BAG2: variants seen among roughly 807,000 people sequenced by gnomAD.
BAG2 encodes BAG cochaperone 2.
A neutral mutation model predicts 16.4 loss-of-function variants in BAG2; 8 were observed. The ratio of observed to expected loss-of-function variants is 0.49; its 90% CI spans 0.29 to 0.88. The LOEUF is 0.88. Among genes scored for constraint, BAG2 ranks in the 40% least tolerant of loss-of-function variants. The pLI is 0.09. For synonymous variants in BAG2, 82 were observed against 89.2 expected (o/e 0.92, Z 0.46); for missense variants, 218 against 248.9 (o/e 0.88, Z 0.84).
chr6:57,176,574 T>C (rs372459449), intron 1 of BAG2, among the ~76,000 whole-genome samples: 2 of 152,194 alleles, frequency 1.3e-5, no homozygotes, highest in East Asian at 3.9e-4. Context: ...GACTGGGAGA[T>C]TGGCTTTTCA....
chr6:57,184,490 G>A lies in BAG2; in HGVS notation c.*300G>A. The A allele has an allele frequency of 1.0e-5, 2 of 198,382 alleles. No homozygotes were observed. Among genetic ancestry groups the A allele is most frequent in the Admixed American group, 5.6e-5 (1 of 17,800 alleles). The allele number at this position is 198,382 out of a possible 1,614,324, so 12.3% of individuals were successfully genotyped here. A position where few individuals can be genotyped will look rare whatever the true frequency, so the allele number is the denominator to read the frequency against. On this transcript the variant is annotated 3_prime_UTR_variant, in exon 3 of 3. Transcript: ENST00000370693. Reference sequence around the variant, plus strand: ...GGGGAAAACAAACGTTCAGCTAGGGGCAAAAAGCATGACTGCTTTTTCCTG... The same window carrying A: ...GGGGAAAACAAACGTTCAGCTAGGGACAAAAAGCATGACTGCTTTTTCCTG...
chr6:57,184,240 A>G lies in BAG2; in HGVS notation c.*50A>G. ...CAATACACAAGGTGTAAAAATGATA[A>G]AATACTATTTTAATTGATAACTAGT... On this transcript the variant is annotated 3_prime_UTR_variant, in exon 3 of 3. Transcript: ENST00000370693. 7.0e-7 allele frequency: 1 copy of G among 1,420,078 alleles called. No homozygotes were observed. The highest frequency in any genetic ancestry group is 9.2e-7 in the Non-Finnish European group (1 of 1,084,578). 88.0% of individuals were successfully genotyped at this position (1,420,078 alleles called of 1,614,324 possible).
At chr6:57,173,169 A>G (rs1764176886) in intron 1 of BAG2, 1 of 1,004,914 alleles carries the variant, frequency 1.0e-6, no homozygotes, top group East Asian at 9.9e-5. Flanking sequence ...TTGGGTCTGC[A>G]GAACTTCTAG....
At chr6:57,175,628 T>A (rs1054318239) in intron 1 of BAG2, among the ~76,000 whole-genome samples, 1 of 152,350 alleles carries the variant, frequency 6.6e-6, no homozygotes, top group Middle Eastern at 3.4e-3. Flanking sequence ...CAATCACTTT[T>A]CTACATGGTT....
chr6:57,172,809 A>C lies in BAG2; in HGVS notation c.112A>C (p.Arg38=). 1 of 1,529,848 alleles carries C rather than the reference A, an allele frequency of 6.5e-7. No homozygotes were observed. The highest frequency in any genetic ancestry group is 8.8e-7 in the Non-Finnish European group (1 of 1,138,170). The allele number at this position is 1,529,848 out of a possible 1,614,324, so 94.8% of individuals were successfully genotyped here. ...GGAGAGCCTGGACCAGCTGGAGCTCAGGTGAGCTCCGGGCGGGCGGTCTCG... is the reference window on the plus strand; with the variant it reads ...GGAGAGCCTGGACCAGCTGGAGCTCCGGTGAGCTCCGGGCGGGCGGTCTCG... ...LLESLDQLEL[R]VEALREAATA... The change falls in exon 1 of 3, where the codon AGG becomes CGG. Residue 38 remains arginine, a splice_region_variant and synonymous_variant. Transcript: ENST00000370693.
Position 57,172,820 on chromosome 6 carries a change from G to T in BAG2, c.113+10G>T. 6.6e-7 allele frequency: 1 copy of T among 1,504,630 alleles called. No homozygotes were observed. The highest frequency in any genetic ancestry group is 1.3e-5 in the South Asian group (1 of 79,314). The allele number at this position is 1,504,630 out of a possible 1,614,324, so 93.2% of individuals were successfully genotyped here. ...ACCAGCTGGAGCTCAGGTGAGCTCC[G>T]GGCGGGCGGTCTCGGGCGTTCTGCT... On this transcript the variant is annotated intron_variant, in intron 1 of 2. Coordinates refer to ENST00000370693, the MANE Select transcript of BAG2 (RefSeq NM_004282.4).
At position 57,189,506 on chromosome 6, in the gene BAG2, T is replaced by C. The variant is rs1764748870; in HGVS notation, c.*5316T>C. The C allele has an allele frequency of 6.6e-6, 1 of 152,262 alleles. No homozygotes were observed. Among genetic ancestry groups the C allele is most frequent in the South Asian group, 2.1e-4 (1 of 4,834 alleles). 9.4% of individuals were successfully genotyped at this position (152,262 alleles called of 1,614,324 possible). The stretch of plus-strand genomic sequence containing the variant: ...ACCTCCTGAATGACTGCAGATGTGC[T>C]GTGTACCTTCTTAAGGGGCTTTGGC... On this transcript the variant is annotated 3_prime_UTR_variant, in exon 3 of 3. Transcript: ENST00000370693.
chr6:57,180,011 A>G (rs1764391627), intron 1 of BAG2, among the ~76,000 whole-genome samples: 1 of 152,104 alleles, frequency 6.6e-6, no homozygotes, highest in African/African-American at 2.4e-5. Flanking sequence ...ACTGCAGATG[A>G]TATGGATATG....
At position 57,188,761 on chromosome 6, in the gene BAG2, TC is replaced by T. The variant is rs1764714465; in HGVS notation, c.*4572del. ...GTGAAATAGATAATGCCAGATCATT[TC>T]AATATAATGAAAAGCAAAAATTTAC... On this transcript the variant is annotated 3_prime_UTR_variant, in exon 3 of 3. Transcript: ENST00000370693. 1 of 152,200 alleles carries T rather than the reference TC, an allele frequency of 6.6e-6. No individual in the cohort carries two copies. The highest frequency in any genetic ancestry group is 6.5e-5 in the Admixed American group (1 of 15,276). The allele number at this position is 152,200 out of a possible 1,614,324, so 9.4% of individuals were successfully genotyped here. A position where few individuals can be genotyped will look rare whatever the true frequency, so the allele number is the denominator to read the frequency against.
At chr6:57,182,717 C>A (rs1344870114) in intron 2 of BAG2, among the ~76,000 whole-genome samples, 2 of 152,120 alleles carry the variant, frequency 1.3e-5, no homozygotes, top group African/African-American at 2.4e-5. Context: ...ATGGCGCGAT[C>A]TTGGCTCACT....
chr6:57,172,397 C>G lies in BAG2; in HGVS notation c.-301C>G, dbSNP rs529981253. The G allele has an allele frequency of 1.4e-5, 3 of 209,514 alleles. No homozygotes were observed. The Admixed American group carries it at 1.8e-4, about 13-fold the overall frequency. 13.0% of individuals were successfully genotyped at this position (209,514 alleles called of 1,614,324 possible). On this transcript the variant is annotated 5_prime_UTR_variant, in exon 1 of 3. Coordinates refer to ENST00000370693, the MANE Select transcript of BAG2 (RefSeq NM_004282.4). ...CTCCCGTGCCTCAGAGACTTGCGCT[C>G]CCCAGGCCCGAGCCCCTGTCGGCCC...
chr6:57,185,502 A>G lies in BAG2; in HGVS notation c.*1312A>G, dbSNP rs1764594875. 1 of 152,254 alleles carries G rather than the reference A, an allele frequency of 6.6e-6. No individual in the cohort carries two copies. Among genetic ancestry groups the G allele is most frequent in the Admixed American group, 6.5e-5 (1 of 15,288 alleles). The allele number at this position is 152,254 out of a possible 1,614,324, so 9.4% of individuals were successfully genotyped here. On this transcript the variant is annotated 3_prime_UTR_variant, in exon 3 of 3. Transcript: ENST00000370693. ...ATGTATATATCTCTCAATGCAAGCAATATCAAACTTCATTTTCTCTACAAA... is the reference window on the plus strand; with the variant it reads ...ATGTATATATCTCTCAATGCAAGCAGTATCAAACTTCATTTTCTCTACAAA...
chr6:57,176,201 C>G (rs1258771241), intron 1 of BAG2, among the ~76,000 whole-genome samples: 1 of 152,146 alleles, frequency 6.6e-6, no homozygotes, highest in Non-Finnish European at 1.5e-5. Flanking sequence ...GTCGTTGTTA[C>G]TATTATCACC....
At position 57,187,050 on chromosome 6, in the gene BAG2, TTAGAG is replaced by T. The variant is rs1171803137; in HGVS notation, c.*2864_*2868del. 1.3e-5 allele frequency: 2 copies of T among 152,204 alleles called. No homozygotes were observed. The highest frequency in any genetic ancestry group is 1.5e-5 in the Non-Finnish European group (1 of 68,014). The allele number at this position is 152,204 out of a possible 1,614,324, so 9.4% of individuals were successfully genotyped here. A position where few individuals can be genotyped will look rare whatever the true frequency, so the allele number is the denominator to read the frequency against. Reference sequence around the variant, plus strand: ...TTGGAATTCATCCTTCATGAAATTTTTAGAGTAGTGTTTTAAATTAAGCTCCAGAG... The same window carrying T: ...TTGGAATTCATCCTTCATGAAATTTTTAGTGTTTTAAATTAAGCTCCAGAG... On this transcript the variant is annotated 3_prime_UTR_variant, in exon 3 of 3. Transcript: ENST00000370693.
rs1554307790 is a variant in BAG2 at position 57,187,964 on chromosome 6, C to CTAT, written c.*3776_*3778dup. On this transcript the variant is annotated 3_prime_UTR_variant, in exon 3 of 3. Transcript: ENST00000370693. Reference sequence around the variant, plus strand: ...TGCCTTATATGGGTCATTCTATATACTATTTAATTCATAGACAGAGACTGG... The same window carrying CTAT: ...TGCCTTATATGGGTCATTCTATATACTATTATTTAATTCATAGACAGAGACTGG... 1.3e-5 allele frequency: 2 copies of CTAT among 150,426 alleles called. No individual in the cohort carries two copies. Among genetic ancestry groups the CTAT allele is most frequent in the East Asian group, 1.9e-4 (1 of 5,136 alleles). 9.3% of individuals were successfully genotyped at this position (150,426 alleles called of 1,614,324 possible). A position where few individuals can be genotyped will look rare whatever the true frequency, so the allele number is the denominator to read the frequency against.
At chr6:57,173,833 C>T (rs1482521211) in intron 1 of BAG2, 1 of 151,650 alleles carries the variant, frequency 6.6e-6, no homozygotes, top group Non-Finnish European at 1.5e-5. Context: ...GTTTAGGAAA[C>T]ACTGCATGTG....
chr6:57,174,492 TC>T, intron 1 of BAG2: 1 of 985,310 alleles, frequency 1.0e-6, no homozygotes, highest in Non-Finnish European at 1.4e-6. Flanking sequence ...TAAAATGAAT[TC>T]TGATTGCACA....
At chr6:57,174,700 T>G (rs1764228905) in intron 1 of BAG2, among the ~76,000 whole-genome samples, 1 of 152,188 alleles carries the variant, frequency 6.6e-6, no homozygotes, top group Non-Finnish European at 1.5e-5. Context: ...AAAATGCTAA[T>G]GTAGATCCTA....
At position 57,187,741 on chromosome 6, in the gene BAG2, A is replaced by T. The variant is rs1764657112; in HGVS notation, c.*3551A>T. ...TAAAACTCACAGGTCCAAGGAGTAC[A>T]TGTTATTTATTGAGAGTTCCTTCTG... On this transcript the variant is annotated 3_prime_UTR_variant, in exon 3 of 3. Transcript: ENST00000370693. The T allele has an allele frequency of 6.6e-6, 1 of 152,178 alleles. No homozygotes were observed. Among genetic ancestry groups the T allele is most frequent in the African/African-American group, 2.4e-5 (1 of 41,448 alleles). The allele number at this position is 152,178 out of a possible 1,614,324, so 9.4% of individuals were successfully genotyped here. A position where few individuals can be genotyped will look rare whatever the true frequency, so the allele number is the denominator to read the frequency against.
Sources: gnomAD v4.1 joint callset for allele counts (sites outside exome capture counted in the v4.1 genomes callset) on GRCh38, gnomAD v4.1.1 for gene constraint, MANE v1.5 for transcripts, NCBI Gene and HGNC (gene_info 2026-07-23, HGNC 2026-07-21) for gene names.